Variants in HIP1R observed in about 807,000 individuals in gnomAD.
HIP1R encodes huntingtin-interacting protein 1-related protein.
Under a neutral mutation model 144.2 loss-of-function variants are expected in HIP1R, and 135 were observed. That is an observed-to-expected ratio of 0.94 (90% confidence interval 0.81 to 1.08). The LOEUF (loss-of-function observed/expected upper bound fraction) is 1.08, where lower values mean the gene tolerates loss of function less well. Among genes scored for constraint, HIP1R ranks in the 50% least tolerant of loss-of-function variants. The pLI is 0.00. For synonymous variants in HIP1R, 698 were observed against 612.8 expected, an observed-to-expected ratio of 1.14 and a Z score of -2.05; for missense variants, 1,462 against 1,432.8, an observed-to-expected ratio of 1.02 and a Z score of -0.33.
rs761560778 is a variant in HIP1R at position 122,861,110 on chromosome 12, C to T, written c.2891-21C>T. On this transcript the variant is annotated intron_variant, in intron 29 of 31. Transcript: ENST00000253083. ...TGGGGGTGGGTGCCCAGATGTTCACCCCCTTGTCCTCCGGCCACAGACACC... is the reference window on the plus strand; with the variant it reads ...TGGGGGTGGGTGCCCAGATGTTCACTCCCTTGTCCTCCGGCCACAGACACC... 5.6e-6 allele frequency: 9 copies of T among 1,613,296 alleles called. No homozygotes were observed. In the East Asian group the frequency reaches 6.7e-5, roughly 12 times the overall value.
At chr12:122,835,420 G>A, upstream of HIP1R, 1 of 1,136,300 alleles carries the variant, frequency 8.8e-7, no homozygotes, top group Non-Finnish European at 1.1e-6. Context: ...GGCGGGGCGA[G>A]GCGGGCTCCT....
intron 1 of HIP1R, among the ~76,000 whole-genome samples, chr12:122,845,592 T>G (rs2033187698): frequency 6.6e-6 from 1 of 152,184 alleles, no homozygotes; most frequent in Admixed American, 6.5e-5. Context: ...CAGGCACTGT[T>G]GAGGAGCTGG....
At chr12:122,838,804 A>C (rs2032977958) in intron 1 of HIP1R, among the ~76,000 whole-genome samples, 1 of 152,208 alleles carries the variant, frequency 6.6e-6, no homozygotes, top group Non-Finnish European at 1.5e-5. Context: ...AGGAGGTCGG[A>C]CTGAGTCCAT....
chr12:122,860,709 G>C lies in HIP1R; in HGVS notation c.2691G>C (p.Thr897=), dbSNP rs372211396. 2.5e-6 allele frequency: 4 copies of C among 1,613,214 alleles called. No homozygotes were observed. The highest frequency in any genetic ancestry group is 1.3e-5 in the African/African-American group (1 of 74,896). Residue 897 remains threonine (T), a synonymous_variant, in exon 28 of 32, where the codon ACG becomes ACC. Coordinates refer to ENST00000253083, the MANE Select transcript of HIP1R (RefSeq NM_003959.3). ...CAGCTGACAAGGTGGTGCTTCACACGGGCAAGTATGAGGAGCTCATCGTCT... is the reference window on the plus strand; with the variant it reads ...CAGCTGACAAGGTGGTGCTTCACACCGGCAAGTATGAGGAGCTCATCGTCT... ...VEAADKVVLH[T]GKYEELIVCS... is the part of the protein sequence containing the mutation.
At chr12:122,843,138 T>C (rs1207418687) in intron 1 of HIP1R, among the ~76,000 whole-genome samples, 3 of 152,180 alleles carry the variant, frequency 2.0e-5, no homozygotes, top group Admixed American at 1.3e-4. Flanking sequence ...GTGGGGCTCC[T>C]GTGGTGGGAC....
In HIP1R at chr12:122,840,119, A is replaced by G. The variant is rs1307034371; in HGVS notation, c.93+4476A>G. On this transcript the variant is annotated intron_variant, in intron 1 of 31. Transcript: ENST00000253083. The surrounding 1 kb of genome is among the most constrained non-coding windows in gnomAD (Gnocchi z 4.2). ...TGATGCCCTCGTGGTGATGCCCGGC[A>G]GGCCGCTGACTTCCCGACCCCTGGG... Among the ~76,000 whole-genome samples the G allele has an allele frequency of 6.6e-6, 1 of 152,232 alleles. No homozygotes were observed. Among genetic ancestry groups the G allele is most frequent in the African/African-American group, 2.4e-5 (1 of 41,454 alleles).
At chr12:122,851,147 GC>G in intron 6 of HIP1R, 88 bp from the exon 7 acceptor site, 2 of 1,194,422 alleles carry the variant, frequency 1.7e-6, no homozygotes, top group African/African-American at 1.6e-5. Context: ...TGTCGGCGGT[GC>G]CCCCGTCCCC....
intron 1 of HIP1R, among the ~76,000 whole-genome samples, chr12:122,846,129 G>GC (rs1188009210): frequency 1.1e-4 from 17 of 152,220 alleles, no homozygotes; most frequent in Non-Finnish European, 1.5e-5. Flanking sequence ...GACACGCCTG[G>GC]CTTGTGACAG....
rs1241463242 is a variant in HIP1R, at chr12:122,861,390, C to T, written c.3035C>T (p.Ala1012Val). The part of the protein sequence containing the change: ...GELRKQHYVL[A>V]GASGSPGEEV... ...TTGCGGAAGCAACACTACGTGCTGG[C>T]TGGGGCATCAGGCAGCCCTGGAGAG... is the stretch of plus-strand genomic sequence containing the variant. The change falls in exon 31 of 32, where the codon GCT becomes GTT. Residue 1012 changes from alanine (A) to valine (V), a missense_variant. Physicochemically the swap from Ala to Val is moderately conservative, Grantham distance 64. Around this residue, in one of 2 missense-constraint regions of HIP1R, gnomAD observed 1,112 missense variants for 1,011.7 expected, o/e 1.10. Transcript: ENST00000253083. 1.9e-6 allele frequency: 3 copies of T among 1,613,544 alleles called. No individual in the cohort carries two copies. The highest frequency in any genetic ancestry group is 1.7e-4 in the Middle Eastern group (1 of 6,058).
chr12:122,857,140 A>T lies in HIP1R; in HGVS notation c.1740A>T (p.Thr580=). ...CGGCGCAGAGCCTGGTGCGCGAGAC[A>T]GAGGCGGCGCTGAGCCGGGAGCAGC... The part of the protein sequence containing the change: ...LLAAQSLVRE[T]EAALSREQQR... Residue 580 remains threonine (T), a synonymous_variant, in exon 18 of 32, where the codon ACA becomes ACT. Transcript: ENST00000253083. The T allele has an allele frequency of 1.3e-6, 2 of 1,550,416 alleles. No homozygotes were observed. The highest frequency in any genetic ancestry group is 8.7e-7 in the Non-Finnish European group (1 of 1,146,880).
intron 5 of HIP1R, 79 bp downstream of exon 5, chr12:122,850,034 A>G: frequency 1.1e-6 from 1 of 949,708 alleles, no homozygotes; most frequent in South Asian, 1.3e-5. Flanking sequence ...ATGTTGGGAC[A>G]TCGAGGGTGG....
chr12:122,860,255 C>T (rs777869027), intron 26 of HIP1R, 45 bp downstream of exon 26: 1 of 1,532,654 alleles, frequency 6.5e-7, no homozygotes, highest in Admixed American at 2.0e-5. Context: ...AGGAGCCTGA[C>T]CCCCAGCCTA....
chr12:122,860,940 C>T lies in HIP1R; in HGVS notation c.2791C>T (p.His931Tyr), dbSNP rs749514313. The change falls in exon 29 of 32, where the codon CAC (histidine) becomes TAC (tyrosine). Residue 931 changes from histidine to tyrosine, a missense_variant. His to Tyr is a moderately conservative substitution (Grantham distance 83). Coordinates refer to ENST00000253083, the MANE Select transcript of HIP1R (RefSeq NM_003959.3). ...SKVKANKHSP[H>Y]LSRLQECSRT... ...GGTGAAGGCCAACAAGCACAGCCCC[C>T]ACCTGAGCCGCCTGCAGGAATGTTC... The T allele has an allele frequency of 3.2e-5, 51 of 1,612,830 alleles. No individual in the cohort carries two copies. In the South Asian group the frequency reaches 5.4e-4, roughly 17 times the overall value.
At chr12:122,859,385 G>A (rs746060445) in intron 22 of HIP1R, 41 bp from the exon 23 acceptor site, 2 of 1,565,960 alleles carry the variant, frequency 1.3e-6, no homozygotes, top group East Asian at 2.2e-5. Flanking sequence ...TGGGACGGGG[G>A]GGGACGGAGG....
intron 1 of HIP1R, among the ~76,000 whole-genome samples, chr12:122,841,582 T>C (rs547800987): frequency 6.6e-6 from 1 of 152,342 alleles, no homozygotes; most frequent in East Asian, 1.9e-4. Context: ...AAAGTTTATT[T>C]GGGGCGAGAT....
chr12:122,848,653 T>TCCCG, intron 3 of HIP1R, 45 bp downstream of exon 3: 1 of 1,597,582 alleles, frequency 6.3e-7, no homozygotes, highest in Non-Finnish European at 8.5e-7. Context: ...TGGGGCACTG[T>TCCCG]CCCGCGGACA....
At chr12:122,846,026 A>ACTTCGCCTCCACC (rs1162319762) in intron 1 of HIP1R, among the ~76,000 whole-genome samples, 1 of 152,128 alleles carries the variant, frequency 6.6e-6, no homozygotes, top group African/African-American at 2.4e-5. Flanking sequence ...TGCACCAGTC[A>ACTTCGCCTCCACC]CTTCGCCTCC....
Position 122,836,239 on chromosome 12 carries a change from C to T in HIP1R, c.93+596C>T, listed in dbSNP as rs563593333. 6.6e-6 allele frequency among the ~76,000 whole-genome samples: 1 copy of T among 152,320 alleles called. No individual in the cohort carries two copies. Among genetic ancestry groups the T allele is most frequent in the Admixed American group, 6.5e-5 (1 of 15,310 alleles). On this transcript the variant is annotated intron_variant, in intron 1 of 31. Coordinates refer to ENST00000253083, the MANE Select transcript of HIP1R (RefSeq NM_003959.3). The surrounding 1 kb of genome is among the most constrained non-coding windows in gnomAD (Gnocchi z 4.1). ...GGGCTGCACAGTCTCCTATTATTTG[C>T]TGGGTGAAAAGCTTCTCGTATGTCG...
Position 122,857,202 on chromosome 12 carries a change from G to C in HIP1R, c.1802G>C (p.Arg601Pro), listed in dbSNP as rs537676507. 3.2e-6 allele frequency: 5 copies of C among 1,550,278 alleles called. No individual in the cohort carries two copies. The highest frequency in any genetic ancestry group is 8.7e-7 in the Non-Finnish European group (1 of 1,146,838). ...SSQEQGELQGRLAERESQEQG... is the reference protein window; with the variant it reads ...SSQEQGELQGPLAERESQEQG... ...CAGGAGCAGGGCGAGTTGCAGGGCCGGCTGGCAGAGAGGGTATGGCCTCCC... is the reference window on the plus strand; with the variant it reads ...CAGGAGCAGGGCGAGTTGCAGGGCCCGCTGGCAGAGAGGGTATGGCCTCCC... The change falls in exon 18 of 32, where the codon CGG (arginine) becomes CCG (proline). Residue 601 changes from arginine (R) to proline (P), a missense_variant. This residue lies in a region of HIP1R where 1,112 missense variants were observed against 1,011.7 expected (regional missense o/e 1.10). Transcript: ENST00000253083.
Sources: gnomAD v4.1 joint callset for allele counts (sites outside exome capture counted in the v4.1 genomes callset) on GRCh38, gnomAD v4.1.1 for gene constraint, gnomAD v4.1.1 regional missense constraint, Gnocchi (gnomAD v3.1) non-coding constraint, MANE v1.5 for transcripts, NCBI Gene and HGNC (gene_info 2026-07-23, HGNC 2026-07-21) for gene names.